Variants in PSD3 observed in about 807,000 individuals in gnomAD.
PSD3 encodes the protein pleckstrin and Sec7 domain containing 3.
In PSD3, 49 loss-of-function variants were observed where a neutral mutation model predicts 105.5. The observed-to-expected ratio is 0.46, with a 90% CI of 0.37 to 0.59. The LOEUF is 0.59. Ranked by LOEUF, PSD3 falls within the 20% of genes least tolerant of loss-of-function variation. The pLI is 0.00. For synonymous variants in PSD3, 557 were observed against 457.8 expected, an observed-to-expected ratio of 1.22 and a Z score of -2.77; for missense variants, 1,561 against 1,263.8, an observed-to-expected ratio of 1.24 and a Z score of -3.57.
At chr8:18,821,434 A>G (rs1476227102) in intron 4 of PSD3, among the ~76,000 whole-genome samples, 1 of 152,146 alleles carries the variant, frequency 6.6e-6, no homozygotes, top group Non-Finnish European at 1.5e-5. Flanking sequence ...TTGAGATTAT[A>G]GGTAACTATT....
At chr8:18,848,363 C>G (rs1815277121) in intron 4 of PSD3, among the ~76,000 whole-genome samples, 7 of 152,202 alleles carry the variant, frequency 4.6e-5, no homozygotes, top group Admixed American at 4.6e-4. Context: ...CCTTGGCCTG[C>G]AACCTAGCAT....
chr8:18,637,407 C>T (rs948968814), intron 10 of PSD3, among the ~76,000 whole-genome samples: 10 of 152,108 alleles, frequency 6.6e-5, no homozygotes, highest in African/African-American at 2.4e-4. Flanking sequence ...GAGTCATGTA[C>T]CCACTACAAT....
At chr8:18,593,161 G>C (rs1214753913) in intron 12 of PSD3, among the ~76,000 whole-genome samples, 1 of 152,136 alleles carries the variant, frequency 6.6e-6, no homozygotes, top group East Asian at 1.9e-4. Flanking sequence ...CACAGCAAAA[G>C]AAACTACCAT....
At chr8:18,600,315 G>A in intron 12 of PSD3, 49 bp downstream of exon 12, 1 of 1,487,164 alleles carries the variant, frequency 6.7e-7, no homozygotes, top group Non-Finnish European at 9.4e-7. Context: ...TGGACCTCAT[G>A]TAATTATTTC....
Position 18,723,592 on chromosome 8 carries a change from C to A in PSD3, c.2172+41857G>T, listed in dbSNP as rs1448129033. ...TCTATTTTGAGGTGGGGGAAAAAAACCCTGTTCCTTCTGTATCTCCAGTAC... is the reference window on the plus strand; with the variant it reads ...TCTATTTTGAGGTGGGGGAAAAAAAACCTGTTCCTTCTGTATCTCCAGTAC... On this transcript the variant is annotated intron_variant, in intron 9 of 15. Transcript: ENST00000327040. 2.6e-5 allele frequency among the ~76,000 whole-genome samples: 4 copies of A among 152,092 alleles called. No homozygotes were observed. In the East Asian group the frequency reaches 7.7e-4, roughly 29 times the overall value.
rs188323625 is a variant in PSD3 at position 18,626,670 on chromosome 8, C to A, written c.2410+5943G>T. On this transcript the variant is annotated intron_variant, in intron 11 of 15. Transcript: ENST00000327040. ...CATTTCTCTAATTTGTTTATAGTGACCATCTCTCAAAAGAAGAAGGCAAAA... is the reference window on the plus strand; with the variant it reads ...CATTTCTCTAATTTGTTTATAGTGAACATCTCTCAAAAGAAGAAGGCAAAA... 3.7e-3 allele frequency among the ~76,000 whole-genome samples: 569 copies of A among 152,056 alleles called. 9 individuals are homozygous for A. Among genetic ancestry groups the A allele is most frequent in the Admixed American group, 0.031 (480 of 15,250 alleles).
chr8:18,606,115 G>C (rs1276694567), intron 11 of PSD3, among the ~76,000 whole-genome samples: 6 of 152,114 alleles, frequency 3.9e-5, no homozygotes, highest in African/African-American at 1.4e-4. Context: ...TGTTCTTTGA[G>C]CTTCCTGTGT....
At position 19,013,452 on chromosome 8, in the gene PSD3, G is replaced by A. The variant is rs370431845; in HGVS notation, c.21+111C>T. Reference sequence around the variant, plus strand: ...CACCTATCCAGACAGCACAAACCCAGGTGGCCCCGGGATCCTGGGGGACAG... The same window carrying A: ...CACCTATCCAGACAGCACAAACCCAAGTGGCCCCGGGATCCTGGGGGACAG... On this transcript the variant is annotated intron_variant, in intron 1 of 15. Transcript: ENST00000327040. The A allele has an allele frequency of 2.3e-4, 336 of 1,463,826 alleles. 3 individuals carry two copies. In the East Asian group the frequency reaches 3.8e-3, roughly 17 times the overall value. 90.7% of individuals were successfully genotyped at this position (1,463,826 alleles called of 1,614,324 possible).
At chr8:18,989,658 T>A (rs13255513) in intron 1 of PSD3, among the ~76,000 whole-genome samples, 2 of 152,024 alleles carry the variant, frequency 1.3e-5, no homozygotes. Context: ...CTTACATAAC[T>A]TGCATCATCT....
chr8:18,795,073 A>G (rs1020610093), intron 8 of PSD3, among the ~76,000 whole-genome samples: 2 of 152,348 alleles, frequency 1.3e-5, no homozygotes, highest in Non-Finnish European at 1.5e-5. Context: ...CTTACAATCT[A>G]TCTCACACTG....
intron 4 of PSD3, among the ~76,000 whole-genome samples, chr8:18,844,636 T>C (rs906741396): frequency 3.9e-5 from 6 of 152,236 alleles, no homozygotes; most frequent in African/African-American, 1.4e-4. Context: ...GGATTTGTTT[T>C]CATTTCCAAC....
chr8:18,826,020 T>C (rs1270253189), intron 4 of PSD3, among the ~76,000 whole-genome samples: 1 of 152,290 alleles, frequency 6.6e-6, no homozygotes, highest in East Asian at 1.9e-4. Flanking sequence ...GTAAAGCGGA[T>C]GGCCCTCCCC....
At chr8:18,751,044 ACTC>A (rs1300885975) in intron 9 of PSD3, among the ~76,000 whole-genome samples, 1 of 151,656 alleles carries the variant, frequency 6.6e-6, no homozygotes, top group Non-Finnish European at 1.5e-5. Context: ...ATGCGCTCAC[ACTC>A]CTCAGCCCTT....
intron 9 of PSD3, among the ~76,000 whole-genome samples, chr8:18,711,701 G>A (rs1297462636): frequency 6.6e-6 from 1 of 152,106 alleles, no homozygotes; most frequent in Admixed American, 6.5e-5. Flanking sequence ...ACACCCCATT[G>A]ACAATATCAG....
At chr8:18,785,074 C>A (rs1323482355) in intron 8 of PSD3, among the ~76,000 whole-genome samples, 1 of 152,104 alleles carries the variant, frequency 6.6e-6, no homozygotes, top group Non-Finnish European at 1.5e-5. Flanking sequence ...AACAATGCTC[C>A]TATCATTCAT....
chr8:18,772,908 G>T (rs1807675786), intron 8 of PSD3, among the ~76,000 whole-genome samples: 1 of 152,132 alleles, frequency 6.6e-6, no homozygotes, highest in Non-Finnish European at 1.5e-5. Flanking sequence ...GGAAATATAG[G>T]AGTTCTTTAC....
intron 1 of PSD3, among the ~76,000 whole-genome samples, chr8:19,057,334 A>T (rs1446321362): frequency 6.6e-6 from 1 of 152,110 alleles, no homozygotes; most frequent in Non-Finnish European, 1.5e-5. Flanking sequence ...CCATCTTTCC[A>T]TGGAAGTTTC....
chr8:18,637,592 T>C (rs775674548), intron 10 of PSD3, among the ~76,000 whole-genome samples: 1 of 152,220 alleles, frequency 6.6e-6, no homozygotes, highest in African/African-American at 2.4e-5. Context: ...TTCATCCATA[T>C]TGTAATGTGA....
At chr8:18,565,762 G>A (rs191052179) in intron 14 of PSD3, among the ~76,000 whole-genome samples, 1 of 152,250 alleles carries the variant, frequency 6.6e-6, no homozygotes, top group Non-Finnish European at 1.5e-5. Flanking sequence ...CTGGTCTCAC[G>A]GCTTCACATC....
Sources: gnomAD v4.1 joint callset for allele counts (sites outside exome capture counted in the v4.1 genomes callset) on GRCh38, gnomAD v4.1.1 for gene constraint, MANE v1.5 for transcripts, NCBI Gene and HGNC (gene_info 2026-07-23, HGNC 2026-07-21) for gene names.